Variants in ADAM10 observed in about 807,000 individuals in gnomAD.
ADAM10 encodes the protein disintegrin and metalloproteinase domain-containing protein 10.
Under a neutral mutation model 90.1 loss-of-function variants are expected in ADAM10, and 17 were observed. That is an observed-to-expected ratio of 0.19 (90% confidence interval 0.13 to 0.28). The LOEUF is 0.28. ADAM10 is among the 10% of genes least tolerant of loss of function. The pLI is 1.00. For missense variants in ADAM10, 610 were observed against 914.3 expected (o/e 0.67, Z 4.29); for synonymous variants, 310 against 298.6 (o/e 1.04, Z -0.40).
intron 2 of ADAM10, chr15:58,707,464 T>A (rs1250814901): frequency 6.6e-6 from 1 of 150,728 alleles, no homozygotes; most frequent in Non-Finnish European, 1.5e-5. Flanking sequence ...GTAAATGAAT[T>A]ACCTCAAAAT....
chr15:58,734,077 CTATA>C (rs1224741653), intron 1 of ADAM10, among the ~76,000 whole-genome samples: 1 of 152,070 alleles, frequency 6.6e-6, no homozygotes, highest in African/African-American at 2.4e-5. Flanking sequence ...AAATCCCAAA[CTATA>C]TATCCTATTT....
intron 5 of ADAM10, among the ~76,000 whole-genome samples, chr15:58,647,327 C>A (rs1465944303): frequency 7.9e-6 from 1 of 126,708 alleles, no homozygotes; most frequent in African/African-American, 3.0e-5. Context: ...GTGGCACGAT[C>A]TTGGCTCCCA....
chr15:58,692,968 G>A (rs1176521246), intron 2 of ADAM10: 1 of 744,110 alleles, frequency 1.3e-6, no homozygotes, highest in Non-Finnish European at 2.5e-6. Flanking sequence ...CCGAGGGTTG[G>A]GGATGATGTC....
At chr15:58,600,129 C>T (rs56023019) in intron 14 of ADAM10, among the ~76,000 whole-genome samples, 58 of 151,998 alleles carry the variant, frequency 3.8e-4, no homozygotes, top group Non-Finnish European at 6.3e-4. Context: ...ACTCTTTTTT[C>T]TCCCTCAAAT....
rs187720089 is a variant in ADAM10 at position 58,712,821 on chromosome 15, G to A, written c.206+4756C>T. Reference sequence around the variant, plus strand: ...AGCCTGGGTGACACAGCGAGACTCCGCCTCAAAAAAAAGAACAAGACAGGA... The same window carrying A: ...AGCCTGGGTGACACAGCGAGACTCCACCTCAAAAAAAAGAACAAGACAGGA... On this transcript the variant is annotated intron_variant, in intron 2 of 15. Transcript: ENST00000260408. Among the ~76,000 whole-genome samples, 87 of 151,898 alleles carry A rather than the reference G, an allele frequency of 5.7e-4. 1 individual carries two copies. The highest frequency in any genetic ancestry group is 1.8e-3 in the African/African-American group (76 of 41,454).
intron 9 of ADAM10, among the ~76,000 whole-genome samples, chr15:58,631,553 T>C (rs1896100727): frequency 6.6e-6 from 1 of 152,018 alleles, no homozygotes; most frequent in Admixed American, 6.5e-5. Context: ...ATGTTAGAAA[T>C]ACAGAAACTC....
chr15:58,643,987 T>G lies in ADAM10; in HGVS notation c.736-9A>C. 6.3e-7 allele frequency: 1 copy of G among 1,581,514 alleles called. No homozygotes were observed. The highest frequency in any genetic ancestry group is 8.7e-7 in the Non-Finnish European group (1 of 1,151,162). On this transcript the variant is annotated splice_polypyrimidine_tract_variant and intron_variant, in intron 6 of 15. Coordinates refer to ENST00000260408, the MANE Select transcript of ADAM10 (RefSeq NM_001110.4). ...TTAACATGACTGGATATCTATGATTTAAAAAAAAGAACATTTTAGAGGCAA... is the reference window on the plus strand; with the variant it reads ...TTAACATGACTGGATATCTATGATTGAAAAAAAAGAACATTTTAGAGGCAA...
rs117553441 is a variant in ADAM10, at chr15:58,597,108, G to A, written c.*439C>T. On this transcript the variant is annotated 3_prime_UTR_variant, in exon 16 of 16. Transcript: ENST00000260408. ...TACATGTCTGCATATAACAAGGTAT[G>A]TACATTGGCAAGTGATGTCTCCAAT... 12 of 374,670 alleles carry A rather than the reference G, an allele frequency of 3.2e-5. 1 individual carries two copies. Among genetic ancestry groups the A allele is most frequent in the South Asian group, 1.6e-4 (6 of 36,974 alleles). 23.2% of individuals were successfully genotyped at this position (374,670 alleles called of 1,614,324 possible).
intron 1 of ADAM10, among the ~76,000 whole-genome samples, chr15:58,724,164 A>C (rs1442500540): frequency 1.3e-5 from 2 of 151,834 alleles, no homozygotes; most frequent in African/African-American, 4.8e-5. Flanking sequence ...GCAACAGAGC[A>C]AGACTCCGTC....
intron 5 of ADAM10, among the ~76,000 whole-genome samples, chr15:58,648,031 G>A (rs1416319273): frequency 6.6e-6 from 1 of 151,914 alleles, no homozygotes; most frequent in African/African-American, 2.4e-5. Flanking sequence ...AATTCCATGT[G>A]AACATACACA....
At chr15:58,616,318 G>A (rs1280013077) in intron 11 of ADAM10, among the ~76,000 whole-genome samples, 2 of 152,104 alleles carry the variant, frequency 1.3e-5, no homozygotes. Context: ...CAACAGCTGT[G>A]GCAGAATACA....
chr15:58,714,900 T>A (rs1163279554), intron 2 of ADAM10, among the ~76,000 whole-genome samples: 1 of 152,092 alleles, frequency 6.6e-6, no homozygotes, highest in Non-Finnish European at 1.5e-5. Context: ...ACTCCAGTCA[T>A]TTTGTAGGCC....
intron 1 of ADAM10, among the ~76,000 whole-genome samples, chr15:58,720,750 C>T (rs902088386): frequency 1.2e-4 from 19 of 152,088 alleles, no homozygotes; most frequent in African/African-American, 4.6e-4. Context: ...TCAAATATAC[C>T]AATGCATCTT....
At chr15:58,744,714 A>G (rs1432993105) in intron 1 of ADAM10, among the ~76,000 whole-genome samples, 1 of 152,200 alleles carries the variant, frequency 6.6e-6, no homozygotes, top group Admixed American at 6.5e-5. Flanking sequence ...CTTCCATCAA[A>G]AACACCCAAA....
At chr15:58,732,728 G>T (rs571160818) in intron 1 of ADAM10, 1 of 150,506 alleles carries the variant, frequency 6.6e-6, no homozygotes, top group Admixed American at 6.7e-5. Context: ...AAAAAAAAGA[G>T]TGAGCTTAAT....
chr15:58,713,137 G>C (rs1226889061), intron 2 of ADAM10, among the ~76,000 whole-genome samples: 2 of 152,146 alleles, frequency 1.3e-5, no homozygotes, highest in African/African-American at 2.4e-5. Flanking sequence ...TCTCACTCTT[G>C]TCGCCCAAGC....
At chr15:58,682,837 T>C (rs574904955) in intron 2 of ADAM10, among the ~76,000 whole-genome samples, 2 of 152,288 alleles carry the variant, frequency 1.3e-5, no homozygotes, top group South Asian at 2.1e-4. Context: ...TTGCAAATTA[T>C]AGAAATCTTC....
At chr15:58,741,772 A>C (rs367920713) in intron 1 of ADAM10, among the ~76,000 whole-genome samples, 4 of 152,252 alleles carry the variant, frequency 2.6e-5, no homozygotes, top group South Asian at 2.1e-4. Context: ...TCCAAGACTC[A>C]ATCACCCAAT....
chr15:58,730,148 T>A (rs553669494), intron 1 of ADAM10, among the ~76,000 whole-genome samples: 4 of 152,200 alleles, frequency 2.6e-5, no homozygotes, highest in Admixed American at 6.5e-5. Context: ...AACCTGTATA[T>A]CCTTATTTCT....
Sources: gnomAD v4.1 joint callset for allele counts (sites outside exome capture counted in the v4.1 genomes callset) on GRCh38, gnomAD v4.1.1 for gene constraint, MANE v1.5 for transcripts, NCBI Gene and HGNC (gene_info 2026-07-23, HGNC 2026-07-21) for gene names.